The following TBX20 variants were observed in gnomAD, a reference collection of about 807,000 sequenced individuals.
The protein encoded by TBX20 is T-box transcription factor 20, also known as T-box transcription factor TBX20.
A neutral mutation model predicts 42.9 loss-of-function variants in TBX20; 8 were observed. That is an observed-to-expected ratio of 0.19 (90% CI 0.11 to 0.34). The LOEUF (loss-of-function observed/expected upper bound fraction) is 0.34. Among genes scored for constraint, TBX20 ranks in the 10% least tolerant of loss-of-function variants. The pLI is 1.00. For missense variants in TBX20, 411 were observed against 566.0 expected (o/e 0.73, Z 2.78); for synonymous variants, 198 against 222.8 (o/e 0.89, Z 0.99).
chr7:35,202,584 A>T lies in TBX20; in HGVS notation c.1190T>A (p.Leu397Gln), dbSNP rs779622893. The T allele has an allele frequency of 6.2e-7, 1 of 1,614,122 alleles. No homozygotes were observed. Among genetic ancestry groups the T allele is most frequent in the Admixed American group, 1.7e-5 (1 of 60,020 alleles). ...GGAGCTGGCAATGGCCGATGGTGTC[A>T]GAGGCATTCCCAGTCGGCTATATGG... ...LPPYSRLGMP[L>Q]TPSAIASSMQ... Residue 397 changes from leucine to glutamine, a missense_variant, in exon 8 of 8, where the codon CTG becomes CAG. Physicochemically the swap from Leu to Gln is moderately radical, Grantham distance 113 (BLOSUM62 -2). Coordinates refer to ENST00000408931, the MANE Select transcript of TBX20 (RefSeq NM_001077653.2).
At chr7:35,203,614 A>G (rs1337593004) in intron 7 of TBX20, among the ~76,000 whole-genome samples, 1 of 152,250 alleles carries the variant, frequency 6.6e-6, no homozygotes, top group African/African-American at 2.4e-5. Context: ...TTGACTGTTT[A>G]TGTTACAGGT....
At chr7:35,205,402 G>A (rs1303529051) in intron 6 of TBX20, among the ~76,000 whole-genome samples, 1 of 150,658 alleles carries the variant, frequency 6.6e-6, no homozygotes, top group Non-Finnish European at 1.5e-5. Flanking sequence ...CGCCAAAAGT[G>A]CATACTGATA....
At position 35,207,812 on chromosome 7, in the gene TBX20, C is replaced by A. The variant is rs898665371; in HGVS notation, c.891-3230G>T. 5.9e-5 allele frequency among the ~76,000 whole-genome samples: 9 copies of A among 152,106 alleles called. No homozygotes were observed. The East Asian group carries it at 1.2e-3, about 20-fold the overall frequency. Reference sequence around the variant, plus strand: ...TTGATGTGTTCGTGGAACTTGACACCAAAACTATACTGTCTTGATTATTGT... The same window carrying A: ...TTGATGTGTTCGTGGAACTTGACACAAAAACTATACTGTCTTGATTATTGT... On this transcript the variant is annotated intron_variant, in intron 6 of 7. Transcript: ENST00000408931.
At chr7:35,221,307 A>C (rs895752600) in intron 6 of TBX20, among the ~76,000 whole-genome samples, 12 of 151,492 alleles carry the variant, frequency 7.9e-5, no homozygotes, top group African/African-American at 2.7e-4. Context: ...AAAAAAAAAA[A>C]AAACAAATAT....
At chr7:35,208,468 C>A (rs1040139617) in intron 6 of TBX20, among the ~76,000 whole-genome samples, 3 of 152,148 alleles carry the variant, frequency 2.0e-5, no homozygotes, top group African/African-American at 7.2e-5. Flanking sequence ...ATGGGCCAGG[C>A]ACAGTGGTTC....
chr7:35,206,542 A>G (rs1789403749), intron 6 of TBX20, among the ~76,000 whole-genome samples: 1 of 152,202 alleles, frequency 6.6e-6, no homozygotes, highest in African/African-American at 2.4e-5. Context: ...GTGAAACTCC[A>G]TCTTAAAAAA....
chr7:35,227,381 A>G (rs192598309), intron 6 of TBX20, among the ~76,000 whole-genome samples: 186 of 152,278 alleles, frequency 1.2e-3, no homozygotes, highest in Non-Finnish European at 2.0e-3. Flanking sequence ...CCGCTCACCC[A>G]GAGCAAATTC....
chr7:35,240,420 A>G (rs1394559435), intron 5 of TBX20, among the ~76,000 whole-genome samples: 5 of 152,202 alleles, frequency 3.3e-5, no homozygotes, highest in African/African-American at 1.2e-4. Context: ...ATTTTACCAG[A>G]ATTATCTCAC....
intron 6 of TBX20, among the ~76,000 whole-genome samples, chr7:35,205,709 T>C (rs1789389101): frequency 6.6e-6 from 1 of 152,216 alleles, no homozygotes; most frequent in Non-Finnish European, 1.5e-5. Flanking sequence ...CCCACATAGA[T>C]GAAGGCATTT....
chr7:35,207,597 T>C (rs1562556450), intron 6 of TBX20, among the ~76,000 whole-genome samples: 1 of 152,226 alleles, frequency 6.6e-6, no homozygotes, highest in Non-Finnish European at 1.5e-5. Context: ...AGTTTTTTTC[T>C]GTAAGTGTTA....
In TBX20 at chr7:35,250,063, G is replaced by C; in HGVS notation, c.268C>G (p.Pro90Ala). 1 of 1,614,022 alleles carries C rather than the reference G, an allele frequency of 6.2e-7. No homozygotes were observed. The highest frequency in any genetic ancestry group is 8.5e-7 in the Non-Finnish European group (1 of 1,180,006). The change falls in exon 2 of 8, where the codon CCC becomes GCC. Residue 90 changes from proline (P) to alanine (A), a missense_variant. Around this residue, in one of 5 missense-constraint regions of TBX20, gnomAD observed 114 missense variants for 128.0 expected, o/e 0.89. Coordinates refer to ENST00000408931, the MANE Select transcript of TBX20 (RefSeq NM_001077653.2). ...LCTEPLIPTT[P>A]IIPSEEMAKI... ...GCCATTTCCTCACTGGGGATGATGG[G>C]GGTGGTGGGGATCAGTGGCTCAGTG...
chr7:35,207,630 G>A (rs1229446436), intron 6 of TBX20, among the ~76,000 whole-genome samples: 1 of 152,160 alleles, frequency 6.6e-6, no homozygotes, highest in Non-Finnish European at 1.5e-5. Flanking sequence ...TTATGTTTGT[G>A]TCTATGATTC....
chr7:35,244,953 C>T lies in TBX20; in HGVS notation c.650G>A (p.Gly217Asp), dbSNP rs762828511. The change falls in exon 4 of 8, where the codon GGC becomes GAC. Residue 217 changes from glycine to aspartate, a missense_variant. Transcript: ENST00000408931. ...KLTNNELDQH[G>D]HIILNSMHKY... Reference sequence around the variant, plus strand: ...AGTCCAAGGCATGGTACTTACATGGCCATGTTGATCCAGTTCATTGTTGGT... The same window carrying T: ...AGTCCAAGGCATGGTACTTACATGGTCATGTTGATCCAGTTCATTGTTGGT... 6.2e-7 allele frequency: 1 copy of T among 1,611,960 alleles called. No homozygotes were observed. The highest frequency in any genetic ancestry group is 2.2e-5 in the East Asian group (1 of 44,850).
intron 6 of TBX20, among the ~76,000 whole-genome samples, chr7:35,225,296 C>A (rs2532170): frequency 0.52 from 79,190 of 151,900 alleles, 20,875 homozygotes; most frequent in Admixed American, 0.61. Context: ...ATTTTAGATA[C>A]GCCCAGTTGC....
intron 4 of TBX20, among the ~76,000 whole-genome samples, chr7:35,242,665 T>C (rs540201008): frequency 1.3e-5 from 2 of 152,248 alleles, no homozygotes; most frequent in Admixed American, 1.3e-4. Flanking sequence ...GTTAATTTCC[T>C]TTGGGAAAGG....
At chr7:35,248,950 C>G in intron 2 of TBX20, 109 bp from the exon 3 acceptor site, 1 of 1,283,750 alleles carries the variant, frequency 7.8e-7, no homozygotes, top group Non-Finnish European at 1.1e-6. Context: ...GGTCTGACTC[C>G]CCTCTCTATC....
intron 6 of TBX20, among the ~76,000 whole-genome samples, chr7:35,226,408 A>AC (rs1789771705): frequency 1.3e-5 from 2 of 151,612 alleles, no homozygotes; most frequent in African/African-American, 4.8e-5. Flanking sequence ...ACAATCCAAA[A>AC]AAAAAAAAAA....
In TBX20 at chr7:35,248,799, A is replaced by G; in HGVS notation, c.423T>C (p.Asp141=). ...PTIRVSFSGV[D]PEAKYIVLMD... is the part of the protein sequence containing the mutation. ...TCAGGACTATGTACTTGGCCTCAGG[A>G]TCCACCCCCGAAAAGGACACCCGGA... Residue 141 remains aspartate (D), a synonymous_variant, in exon 3 of 8, where the codon GAT becomes GAC. Transcript: ENST00000408931. The G allele has an allele frequency of 1.9e-6, 3 of 1,614,098 alleles. No homozygotes were observed. Among genetic ancestry groups the G allele is most frequent in the Non-Finnish European group, 8.5e-7 (1 of 1,180,034 alleles).
At position 35,249,484 on chromosome 7, in the gene TBX20, T is replaced by C. The variant is rs1584359601; in HGVS notation, c.380+467A>G. 6.6e-6 allele frequency among the ~76,000 whole-genome samples: 1 copy of C among 152,246 alleles called. No homozygotes were observed. The stretch of plus-strand genomic sequence containing the variant: ...GGGAATTTTATCGTTTCAAATTTCA[T>C]TCTTCCGCCCAGGTTTTAATTTTAG... On this transcript the variant is annotated intron_variant, in intron 2 of 7. Coordinates refer to ENST00000408931, the MANE Select transcript of TBX20 (RefSeq NM_001077653.2). This position sits in a 1 kb window ranked among gnomAD's most constrained non-coding sequence, Gnocchi z 4.3.
Sources: gnomAD v4.1 joint callset for allele counts (sites outside exome capture counted in the v4.1 genomes callset) on GRCh38, gnomAD v4.1.1 for gene constraint, gnomAD v4.1.1 regional missense constraint, Gnocchi (gnomAD v3.1) non-coding constraint, MANE v1.5 for transcripts, NCBI Gene and HGNC (gene_info 2026-07-23, HGNC 2026-07-21) for gene names.